SLC30A8: variants seen among roughly 807,000 people sequenced by gnomAD.
SLC30A8 encodes the protein proton-coupled zinc antiporter SLC30A8.
A neutral mutation model predicts 36.9 loss-of-function variants in SLC30A8; 27 were observed. The ratio of observed to expected loss-of-function variants is 0.73; its 90% CI spans 0.54 to 1.01. The LOEUF is 1.01. Ranked by LOEUF, SLC30A8 falls within the 50% of genes least tolerant of loss-of-function variation. The pLI, the probability that SLC30A8 is intolerant of heterozygous loss-of-function variation, is 0.00. For synonymous variants in SLC30A8, 164 were observed against 172.4 expected (o/e 0.95, Z 0.38); for missense variants, 439 against 452.0 (o/e 0.97, Z 0.26).
At chr8:116,976,061 T>G (rs1006522454) in intron 1 of SLC30A8, among the ~76,000 whole-genome samples, 1 of 152,122 alleles carries the variant, frequency 6.6e-6, no homozygotes. Context: ...GAAGAGATCT[T>G]GGGAATAATG....
chr8:117,129,655 T>C (rs1172160345), intron 2 of SLC30A8, among the ~76,000 whole-genome samples: 1 of 152,044 alleles, frequency 6.6e-6, no homozygotes, highest in Non-Finnish European at 1.5e-5. Flanking sequence ...ACATTGTAAT[T>C]GTGTCCTGAT....
rs1430131129 is a variant in SLC30A8, at chr8:116,956,929, T to C, written c.-266+5810T>C. 5.3e-5 allele frequency among the ~76,000 whole-genome samples: 8 copies of C among 152,306 alleles called. No individual in the cohort carries two copies. In the East Asian group the frequency reaches 9.7e-4, roughly 18 times the overall value. ...TAAAGCATACCAAAAATGACTATCA[T>C]TGGCTATGTGATCACATTTTCATTT... On this transcript the variant is annotated intron_variant, in intron 1 of 10. Transcript: ENST00000427715.
intron 4 of SLC30A8, among the ~76,000 whole-genome samples, chr8:117,160,090 A>G (rs1355605773): frequency 4.6e-5 from 7 of 152,240 alleles, no homozygotes; most frequent in African/African-American, 1.2e-4. Flanking sequence ...ATGCTGCTAG[A>G]TGCTGTATTG....
chr8:117,104,738 A>G (rs1291655536), intron 2 of SLC30A8, among the ~76,000 whole-genome samples: 1 of 152,160 alleles, frequency 6.6e-6, no homozygotes, highest in Non-Finnish European at 1.5e-5. Flanking sequence ...GGAATAAAAA[A>G]TGGCTACTCC....
chr8:116,955,981 A>G (rs997142051), intron 1 of SLC30A8, among the ~76,000 whole-genome samples: 1 of 152,188 alleles, frequency 6.6e-6, no homozygotes, highest in African/African-American at 2.4e-5. Flanking sequence ...AAAATGGAAA[A>G]TGAGAGTGCA....
chr8:117,009,634 G>A (rs1816282773), intron 1 of SLC30A8, among the ~76,000 whole-genome samples: 1 of 129,232 alleles, frequency 7.7e-6, no homozygotes, highest in Non-Finnish European at 1.9e-5. Context: ...TGATGTGAAG[G>A]CAGGCTGGGT....
At chr8:116,989,082 G>A (rs1212701570) in intron 1 of SLC30A8, among the ~76,000 whole-genome samples, 1 of 152,148 alleles carries the variant, frequency 6.6e-6, no homozygotes, top group Non-Finnish European at 1.5e-5. Flanking sequence ...CACATTTATT[G>A]ATTTCTTAGA....
rs752486387 is a variant in SLC30A8, at chr8:117,172,670, C to A, written c.1099C>A (p.Pro367Thr). The change falls in exon 8 of 8, where the codon CCC becomes ACC. Residue 367 changes from proline to threonine, a missense_variant. Physicochemically the swap from Pro to Thr is conservative, Grantham distance 38. Transcript: ENST00000456015. ...CCCCGACTGCCTTTTCTGTGAAGAC[C>A]CCTGTGACTAGCTCAGTCACACCGT... Reference protein sequence around the residue: ...QDPDCLFCEDPCD With the variant: ...QDPDCLFCEDTCD 1 of 1,613,602 alleles carries A rather than the reference C, an allele frequency of 6.2e-7. No individual in the cohort carries two copies. Among genetic ancestry groups the A allele is most frequent in the Non-Finnish European group, 8.5e-7 (1 of 1,179,640 alleles).
At chr8:116,997,979 C>T (rs958640527) in intron 1 of SLC30A8, among the ~76,000 whole-genome samples, 1 of 152,174 alleles carries the variant, frequency 6.6e-6, no homozygotes, top group Non-Finnish European at 1.5e-5. Flanking sequence ...AGAATGGGCT[C>T]TTCTTCTGTG....
intron 2 of SLC30A8, among the ~76,000 whole-genome samples, chr8:117,104,428 TTCAGTAGCATGTCCC>T (rs1226965715): frequency 1.3e-5 from 2 of 152,166 alleles, no homozygotes; most frequent in African/African-American, 4.8e-5. Context: ...TCCTCCAGTT[TTCAGTAGCATGTCCC>T]TCATTTCCAT....
chr8:117,010,614 C>T (rs539618638), intron 1 of SLC30A8, among the ~76,000 whole-genome samples: 30 of 152,274 alleles, frequency 2.0e-4, no homozygotes, highest in African/African-American at 6.7e-4. Context: ...TGACTGACGT[C>T]ACTGTATTAG....
intron 1 of SLC30A8, among the ~76,000 whole-genome samples, chr8:117,014,416 G>A (rs1366039407): frequency 6.6e-6 from 1 of 152,162 alleles, no homozygotes; most frequent in Non-Finnish European, 1.5e-5. Context: ...TGGCTGATGA[G>A]TCTGTGGTGG....
At chr8:117,024,061 A>G (rs776960770) in intron 1 of SLC30A8, among the ~76,000 whole-genome samples, 1 of 152,198 alleles carries the variant, frequency 6.6e-6, no homozygotes, top group Non-Finnish European at 1.5e-5. Context: ...TTACCTAATA[A>G]TGCAACCTTA....
intron 4 of SLC30A8, among the ~76,000 whole-genome samples, chr8:117,159,868 A>T (rs1315951310): frequency 6.6e-6 from 1 of 152,224 alleles, no homozygotes; most frequent in African/African-American, 2.4e-5. Flanking sequence ...CTCAATGATC[A>T]GGTTTGATTT....
chr8:116,963,811 T>C (rs923218409), intron 1 of SLC30A8, among the ~76,000 whole-genome samples: 2 of 152,206 alleles, frequency 1.3e-5, no homozygotes, highest in Non-Finnish European at 2.9e-5. Flanking sequence ...TAATTTTTTA[T>C]TTAGCTTATT....
chr8:116,953,270 C>T (rs1465512383), intron 1 of SLC30A8, among the ~76,000 whole-genome samples: 2 of 152,032 alleles, frequency 1.3e-5, no homozygotes, highest in Admixed American at 1.3e-4. Flanking sequence ...CAATCTAATC[C>T]ATCGTTGATG....
intron 1 of SLC30A8, among the ~76,000 whole-genome samples, chr8:116,952,900 G>A (rs1483053466): frequency 2.7e-5 from 4 of 149,954 alleles, no homozygotes; most frequent in Admixed American, 2.0e-4. Context: ...AGATTCAGGG[G>A]GTATATGTGC....
intron 1 of SLC30A8, among the ~76,000 whole-genome samples, chr8:117,009,438 G>A (rs1816276263): frequency 6.6e-6 from 1 of 152,166 alleles, no homozygotes; most frequent in South Asian, 2.1e-4. Context: ...TGAACAAATT[G>A]CTCTTTGTTT....
intron 6 of SLC30A8, 21 bp from the exon 7 acceptor site, chr8:117,171,013 C>A: frequency 6.4e-7 from 1 of 1,565,334 alleles, no homozygotes; most frequent in South Asian, 1.2e-5. Flanking sequence ...ACTACAGCCT[C>A]CATCTCTTCC....
Sources: gnomAD v4.1 joint callset for allele counts (sites outside exome capture counted in the v4.1 genomes callset) on GRCh38, gnomAD v4.1.1 for gene constraint, MANE v1.5 for transcripts, NCBI Gene and HGNC (gene_info 2026-07-23, HGNC 2026-07-21) for gene names.